ZNF43: variants seen among roughly 807,000 people sequenced by gnomAD.
ZNF43 encodes zinc finger protein 39-like 1 (KOX 27).
ZNF43 carries 44 observed loss-of-function variants against 68.4 expected under a neutral mutation model. That is an observed-to-expected ratio of 0.64 (90% CI 0.51 to 0.83). ZNF43 has a LOEUF of 0.83. Ranked by LOEUF, ZNF43 falls within the 40% of genes least tolerant of loss-of-function variation. The probability of loss-of-function intolerance (pLI) is 0.00; values close to 1 mark genes in which losing one functional copy is unlikely to be tolerated. For missense variants in ZNF43, 896 were observed against 933.2 expected, an observed-to-expected ratio of 0.96 and a Z score of 0.52; for synonymous variants, 308 against 307.8, an observed-to-expected ratio of 1.00 and a Z score of -0.01.
chr19:21,808,349 T>C lies in ZNF43; in HGVS notation c.1688A>G (p.Glu563Gly). 6.2e-7 allele frequency: 1 copy of C among 1,612,960 alleles called. No individual in the cohort carries two copies. Among genetic ancestry groups the C allele is most frequent in the Non-Finnish European group, 8.5e-7 (1 of 1,179,698 alleles). The change falls in exon 4 of 4, where the codon GAG becomes GGG. Residue 563 changes from glutamate to glycine, a missense_variant. By Grantham distance (98) the Glu-to-Gly change is moderately conservative. Transcript: ENST00000354959. ...LTKHKRIHTG[E>G]KPYKCEECGK... Reference sequence around the variant, plus strand: ...ACATTCTTCACACTTGTAGGGTTTCTCTCCAGTATGAATCCTCTTATGTTT... The same window carrying C: ...ACATTCTTCACACTTGTAGGGTTTCCCTCCAGTATGAATCCTCTTATGTTT...
Position 21,808,180 on chromosome 19 carries a change from T to G in ZNF43, c.1857A>C (p.Gly619=). The G allele has an allele frequency of 6.2e-7, 1 of 1,604,162 alleles. No homozygotes were observed. The highest frequency in any genetic ancestry group is 1.1e-5 in the South Asian group (1 of 90,484). The stretch of plus-strand genomic sequence containing the variant: ...CACATTCTTCACATTTGTAGGGTTT[T>G]CCTCCAGTATGAATTTTTTTATGTG... ...LTTHKKIHTG[G]KPYKCEECGK... is the part of the protein sequence containing the mutation. Residue 619 remains glycine (G), a synonymous_variant, in exon 4 of 4, where the codon GGA becomes GGC. Transcript: ENST00000354959.
At chr19:21,847,816 C>A (rs561008852) in intron 1 of ZNF43, among the ~76,000 whole-genome samples, 52 of 152,214 alleles carry the variant, frequency 3.4e-4, no homozygotes, top group African/African-American at 1.2e-3. Context: ...TTGGACCCAA[C>A]AATATGTAAC....
chr19:21,836,227 CCGTGCCTGATTGGACGGTTTCCAGCCCAG>C (rs1303429177), upstream of ZNF43: 1 of 1,432,520 alleles, frequency 7.0e-7, no homozygotes, highest in African/African-American at 1.4e-5. Flanking sequence ...CTCTCCTGCC[CCGTGCCTGATTGGACGGTTTCCAGCCCAG>C]CGTCCCTGAT....
chr19:21,823,592 T>C (rs2037959408), intron 1 of ZNF43, among the ~76,000 whole-genome samples: 1 of 149,398 alleles, frequency 6.7e-6, no homozygotes, highest in Non-Finnish European at 1.5e-5. Context: ...TTTTTTTTTT[T>C]TTCGTGAGAT....
chr19:21,836,007 C>G (rs367759627), intron 1 of ZNF43, 29 bp downstream of exon 1: 170 of 1,613,910 alleles, frequency 1.1e-4, no homozygotes, highest in South Asian at 9.7e-4. Context: ...CCCCTTCCCC[C>G]TCTCGGGATG....
At chr19:21,821,847 G>A (rs971199320) in intron 1 of ZNF43, among the ~76,000 whole-genome samples, 2 of 152,112 alleles carry the variant, frequency 1.3e-5, no homozygotes, top group African/African-American at 2.4e-5. Flanking sequence ...AGGTTTACAA[G>A]TACTAAACAC....
chr19:21,808,913 C>T lies in ZNF43; in HGVS notation c.1124G>A (p.Cys375Tyr), dbSNP rs1447707106. 1.2e-6 allele frequency: 2 copies of T among 1,613,508 alleles called. No individual in the cohort carries two copies. The highest frequency in any genetic ancestry group is 2.2e-5 in the East Asian group (1 of 44,848). ...TAEKFYKCTE[C>Y]GEAFSRSSNL... ...TGAGGACCGGCTAAAAGCTTCACCA[C>T]ATTCTGTACATTTATAGAATTTCTC... Residue 375 changes from cysteine (C) to tyrosine (Y), a missense_variant, in exon 4 of 4, where the codon TGT becomes TAT. By Grantham distance (194) the Cys-to-Tyr change is radical. Coordinates refer to ENST00000354959, the MANE Select transcript of ZNF43 (RefSeq NM_003423.4).
intron 1 of ZNF43, among the ~76,000 whole-genome samples, chr19:21,820,266 C>CATATATATTAATATATTGTATATATATAA (rs2037754273): frequency 1.9e-5 from 1 of 53,616 alleles, no homozygotes; most frequent in African/African-American, 1.6e-4. Context: ...TATATATATA[C>CATATATATTAATATATTGTATATATATAA]ACACACATAT....
At chr19:21,818,755 T>C (rs1013252646) in intron 2 of ZNF43, among the ~76,000 whole-genome samples, 1 of 152,166 alleles carries the variant, frequency 6.6e-6, no homozygotes, top group Non-Finnish European at 1.5e-5. Flanking sequence ...GAAAGTATCT[T>C]ATTTTGTAGG....
At position 21,817,877 on chromosome 19, in the gene ZNF43, C is replaced by T. The variant is rs766752244; in HGVS notation, c.229+11G>A. On this transcript the variant is annotated intron_variant, in intron 3 of 3. Coordinates refer to ENST00000354959, the MANE Select transcript of ZNF43 (RefSeq NM_003423.4). ...TCTGTGTTTGTTGTATTCACTTTCACTCTCACCTACCTGGGGGTTTGGCTA... is the reference window on the plus strand; with the variant it reads ...TCTGTGTTTGTTGTATTCACTTTCATTCTCACCTACCTGGGGGTTTGGCTA... 3.1e-6 allele frequency: 5 copies of T among 1,610,384 alleles called. No homozygotes were observed. The African/African-American group carries it at 4.0e-5, about 13-fold the overall frequency.
At chr19:21,821,579 A>T (rs1156980281) in intron 1 of ZNF43, among the ~76,000 whole-genome samples, 1 of 152,170 alleles carries the variant, frequency 6.6e-6, no homozygotes, top group Non-Finnish European at 1.5e-5. Context: ...TAAGGACCCC[A>T]GTTTTCCCCA....
At chr19:21,822,638 T>C (rs1055418678) in intron 1 of ZNF43, among the ~76,000 whole-genome samples, 4 of 152,078 alleles carry the variant, frequency 2.6e-5, no homozygotes, top group Non-Finnish European at 4.4e-5. Context: ...ACCCTGTCTC[T>C]ACTAAAAATA....
Position 21,820,113 on chromosome 19 carries a change from C to A in ZNF43, c.4-892G>T, listed in dbSNP as rs551436954. On this transcript the variant is annotated intron_variant, in intron 1 of 3. Transcript: ENST00000354959. ...ACTCAAGGGGCTGAGGCAAGAGAAT[C>A]GCTTGAACCCGAGAGGTGGAGGTTG... 1.6e-4 allele frequency among the ~76,000 whole-genome samples: 22 copies of A among 137,784 alleles called. No individual in the cohort carries two copies. The South Asian group carries it at 4.5e-3, about 28-fold the overall frequency. The allele number at this position is 137,784 out of a possible 152,430, so 90.4% of individuals were successfully genotyped here. A position where few individuals can be genotyped will look rare whatever the true frequency, so the allele number is the denominator to read the frequency against.
intron 3 of ZNF43, among the ~76,000 whole-genome samples, chr19:21,816,884 A>G (rs572499270): frequency 6.6e-6 from 1 of 152,292 alleles, no homozygotes; most frequent in African/African-American, 2.4e-5. Context: ...AGCCCCTTGT[A>G]ACAAGCCAAC....
chr19:21,841,436 G>A (rs993528335), intron 1 of ZNF43: 1 of 152,188 alleles, frequency 6.6e-6, no homozygotes, highest in South Asian at 2.1e-4. Context: ...ACAAAGTCAC[G>A]TTACTTGGTA....
At chr19:21,810,504 A>G (rs2037224419) in intron 3 of ZNF43, among the ~76,000 whole-genome samples, 1 of 152,228 alleles carries the variant, frequency 6.6e-6, no homozygotes, top group Non-Finnish European at 1.5e-5. Context: ...CTGCAGCATG[A>G]GGTTTGGAAA....
intron 3 of ZNF43, among the ~76,000 whole-genome samples, chr19:21,811,584 A>T (rs8100594): frequency 0.034 from 5,194 of 152,084 alleles, 318 homozygotes; most frequent in African/African-American, 0.12. Context: ...CTATGAAAAC[A>T]ATAAAGAGGC....
chr19:21,835,672 T>G (rs1021259501), intron 1 of ZNF43, among the ~76,000 whole-genome samples: 1 of 152,084 alleles, frequency 6.6e-6, no homozygotes, highest in Non-Finnish European at 1.5e-5. Context: ...CTGTTTCTAA[T>G]AGACCAAAAG....
upstream of ZNF43, chr19:21,839,999 C>A (rs1408091608): frequency 6.6e-6 from 1 of 152,024 alleles, no homozygotes; most frequent in East Asian, 1.9e-4. Context: ...TTTCTGTAAG[C>A]AGCAACCTGG....
Sources: allele counts gnomAD v4.1 joint callset (sites outside exome capture counted in the v4.1 genomes callset), GRCh38; gene constraint gnomAD v4.1.1; transcripts MANE v1.5; gene names NCBI Gene and HGNC (gene_info 2026-07-23, HGNC 2026-07-21).